Variants in MYO1E observed in about 807,000 individuals in gnomAD.
The protein encoded by MYO1E is myosin IE, also known as unconventional myosin-Ie.
In MYO1E, 68 loss-of-function variants were observed where a neutral mutation model predicts 151.1. The ratio of observed to expected loss-of-function variants is 0.45; its 90% CI spans 0.37 to 0.55. The LOEUF (loss-of-function observed/expected upper bound fraction) is 0.55, where lower values mean the gene tolerates loss of function less well. Ranked by LOEUF, MYO1E falls within the 20% of genes least tolerant of loss-of-function variation. The pLI, the probability that MYO1E is intolerant of heterozygous loss-of-function variation, is 0.00. For missense variants in MYO1E, 1,363 were observed against 1,389.3 expected, an observed-to-expected ratio of 0.98 and a Z score of 0.30; for synonymous variants, 601 against 501.7, an observed-to-expected ratio of 1.20 and a Z score of -2.64.
chr15:59,205,614 C>A, intron 14 of MYO1E, 129 bp from the exon 15 acceptor site: 1 of 809,826 alleles, frequency 1.2e-6, no homozygotes, highest in South Asian at 1.4e-5. Flanking sequence ...ACCCTCACCA[C>A]AACATGTGGA....
chr15:59,176,492 T>C (rs565430970), intron 19 of MYO1E, among the ~76,000 whole-genome samples: 46 of 151,440 alleles, frequency 3.0e-4, no homozygotes, highest in African/African-American at 1.1e-3. Context: ...GGGTCTTTCT[T>C]GATCTGTTGC....
intron 1 of MYO1E, among the ~76,000 whole-genome samples, chr15:59,288,597 A>C (rs1413277424): frequency 6.6e-6 from 1 of 152,220 alleles, no homozygotes; most frequent in Non-Finnish European, 1.5e-5. Context: ...CTGGGATACT[A>C]CTAGCCACTA....
intron 22 of MYO1E, among the ~76,000 whole-genome samples, chr15:59,168,584 C>G (rs2079574843): frequency 6.6e-6 from 1 of 152,054 alleles, no homozygotes; most frequent in Non-Finnish European, 1.5e-5. Context: ...CACCACATGT[C>G]AGATTTCAAG....
intron 14 of MYO1E, chr15:59,206,985 C>A: frequency 6.2e-7 from 1 of 1,614,166 alleles, no homozygotes; most frequent in Non-Finnish European, 8.5e-7. Context: ...AGAGAGTGAG[C>A]TCGGTGGGAG....
rs539088605 is a variant in MYO1E, at chr15:59,211,764, G to A, written c.1276-1164C>T. Among the ~76,000 whole-genome samples the A allele has an allele frequency of 2.0e-5, 3 of 152,038 alleles. 1 individual carries two copies. In the South Asian group the frequency reaches 6.2e-4, roughly 32 times the overall value. On this transcript the variant is annotated intron_variant, in intron 12 of 27. Coordinates refer to ENST00000288235, the MANE Select transcript of MYO1E (RefSeq NM_004998.4). ...ACCCGTGATTGCTCTTTCTTTCTTG[G>A]CTATTGCTAATTATTTTGAGCAAGT...
At chr15:59,295,449 G>A (rs1596404617) in intron 1 of MYO1E, among the ~76,000 whole-genome samples, 1 of 152,158 alleles carries the variant, frequency 6.6e-6, no homozygotes, top group East Asian at 1.9e-4. Flanking sequence ...CCGAAGGAGG[G>A]CCAGGAAGGC....
chr15:59,210,272 G>GA (rs1304601904), intron 13 of MYO1E, among the ~76,000 whole-genome samples: 1 of 152,062 alleles, frequency 6.6e-6, no homozygotes, highest in Non-Finnish European at 1.5e-5. Flanking sequence ...TCTTCTCTTA[G>GA]AATTCAATAA....
At chr15:59,196,765 C>A (rs1211566512) in intron 16 of MYO1E, among the ~76,000 whole-genome samples, 2 of 152,124 alleles carry the variant, frequency 1.3e-5, no homozygotes, top group Admixed American at 6.5e-5. Context: ...GTTGCATGAT[C>A]AAAGCAAAGC....
intron 4 of MYO1E, among the ~76,000 whole-genome samples, chr15:59,250,442 T>C (rs932045757): frequency 4.6e-5 from 7 of 152,184 alleles, no homozygotes; most frequent in African/African-American, 1.4e-4. Context: ...GAGGTAGCGC[T>C]GTCCATGACT....
rs146977280 is a variant in MYO1E at position 59,146,960 on chromosome 15, G to A, written c.3080+6630C>T. ...CACCAGGTTCTTTTTTCTGAGTAGG[G>A]CAATCACATTATAACCCAGAAACAA... On this transcript the variant is annotated intron_variant, in intron 26 of 27. Coordinates refer to ENST00000288235, the MANE Select transcript of MYO1E (RefSeq NM_004998.4). 1.2e-3 allele frequency among the ~76,000 whole-genome samples: 184 copies of A among 152,074 alleles called. 1 individual carries two copies. Among genetic ancestry groups the A allele is most frequent in the African/African-American group, 4.3e-3 (179 of 41,482 alleles).
At chr15:59,161,776 T>A (rs1438501823) in intron 23 of MYO1E, among the ~76,000 whole-genome samples, 1 of 152,216 alleles carries the variant, frequency 6.6e-6, no homozygotes, top group African/African-American at 2.4e-5. Flanking sequence ...AGGCAGGATT[T>A]ACCTGCAATT....
At chr15:59,309,035 C>T (rs954734138) in intron 1 of MYO1E, among the ~76,000 whole-genome samples, 6 of 151,566 alleles carry the variant, frequency 4.0e-5, no homozygotes, top group African/African-American at 9.7e-5. Context: ...ATAGCTTGAG[C>T]CTGGGAGTTC....
intron 14 of MYO1E, 72 bp downstream of exon 14, chr15:59,208,609 G>T: frequency 1.3e-6 from 2 of 1,552,662 alleles, no homozygotes; most frequent in Admixed American, 1.7e-5. Context: ...CATATGATTT[G>T]CTTCATGAGA....
intron 3 of MYO1E, among the ~76,000 whole-genome samples, chr15:59,258,954 G>GTTT (rs201872129): frequency 6.7e-6 from 1 of 148,648 alleles, no homozygotes. Context: ...CCCCTCTCTT[G>GTTT]TTTTTTTTTG....
At chr15:59,280,765 G>A (rs73424980) in intron 1 of MYO1E, among the ~76,000 whole-genome samples, 4,007 of 151,964 alleles carry the variant, frequency 0.026, 159 homozygotes, top group African/African-American at 0.088. Context: ...ATATTCTGGC[G>A]CATGACATTT....
At chr15:59,253,696 G>T (rs1281375777) in intron 4 of MYO1E, among the ~76,000 whole-genome samples, 2 of 151,994 alleles carry the variant, frequency 1.3e-5, no homozygotes, top group African/African-American at 4.8e-5. Flanking sequence ...TGGCCAGGAT[G>T]GTCTTGATCT....
At chr15:59,276,976 T>C (rs2080322930) in intron 1 of MYO1E, among the ~76,000 whole-genome samples, 1 of 152,232 alleles carries the variant, frequency 6.6e-6, no homozygotes, top group Admixed American at 6.5e-5. Context: ...CACTGTTCTT[T>C]GATGCATCTG....
intron 14 of MYO1E, chr15:59,207,555 C>T (rs1223210228): frequency 1.9e-6 from 3 of 1,614,060 alleles, no homozygotes; most frequent in African/African-American, 2.7e-5. Context: ...TTCCCAAAAA[C>T]CGTATTATTG....
At chr15:59,249,309 C>T (rs576290734) in intron 4 of MYO1E, among the ~76,000 whole-genome samples, 35 of 151,782 alleles carry the variant, frequency 2.3e-4, no homozygotes, top group Non-Finnish European at 3.2e-4. Context: ...CCTGTAGTCC[C>T]AGCTACTCAG....
Sources: gnomAD v4.1 joint callset for allele counts (sites outside exome capture counted in the v4.1 genomes callset) on GRCh38, gnomAD v4.1.1 for gene constraint, MANE v1.5 for transcripts, NCBI Gene and HGNC (gene_info 2026-07-23, HGNC 2026-07-21) for gene names.